Variants in PDE8B observed in about 807,000 individuals in gnomAD.
PDE8B encodes phosphodiesterase 8B.
PDE8B carries 26 observed loss-of-function variants against 101.3 expected under a neutral mutation model. The ratio of observed to expected loss-of-function variants is 0.26; its 90% CI spans 0.19 to 0.36. The LOEUF (loss-of-function observed/expected upper bound fraction) is 0.36, where lower values mean the gene tolerates loss of function less well. Among genes scored for constraint, PDE8B ranks in the 10% least tolerant of loss-of-function variants. The pLI, the probability that PDE8B is intolerant of heterozygous loss-of-function variation, is 1.00. For missense variants in PDE8B, 810 were observed against 1,163.1 expected (o/e 0.70, Z 4.42); for synonymous variants, 424 against 429.3 (o/e 0.99, Z 0.15).
At chr5:77,091,176 A>G in the PDE8B span, among the ~76,000 whole-genome samples, 1 of 152,232 alleles carries the variant, frequency 6.6e-6, no homozygotes, top group Non-Finnish European at 1.5e-5. Flanking sequence ...CGAGTAGAAG[A>G]GAAGATTTAA....
the PDE8B span, among the ~76,000 whole-genome samples, chr5:77,103,355 G>T: frequency 6.6e-6 from 1 of 152,234 alleles, no homozygotes; most frequent in South Asian, 2.1e-4. Flanking sequence ...AGTATGATAT[G>T]CAGTAGTTAT....
the PDE8B span, among the ~76,000 whole-genome samples, chr5:77,181,472 A>G: frequency 6.6e-6 from 1 of 152,202 alleles, no homozygotes; most frequent in African/African-American, 2.4e-5. Context: ...GGCTTGCAGC[A>G]GCCTTTACAA....
the PDE8B span, among the ~76,000 whole-genome samples, chr5:77,142,582 A>G: frequency 2.0e-5 from 3 of 152,198 alleles, no homozygotes; most frequent in African/African-American, 7.2e-5. Flanking sequence ...TTCTCAAGAT[A>G]AAAACAATTT....
chr5:77,231,243 C>G (rs1160297269), intron 1 of PDE8B, among the ~76,000 whole-genome samples: 1 of 152,136 alleles, frequency 6.6e-6, no homozygotes, highest in Non-Finnish European at 1.5e-5. Flanking sequence ...ATACAGCAGA[C>G]AGTGTGGAAA....
chr5:77,098,982 C>T, the PDE8B span, among the ~76,000 whole-genome samples: 33,904 of 152,190 alleles, frequency 0.22, 4,528 homozygotes, highest in Admixed American at 0.34. Context: ...CACTGTTGCA[C>T]TGGGGAATTA....
chr5:77,267,571 G>A (rs1289141933), intron 1 of PDE8B, among the ~76,000 whole-genome samples: 2 of 152,148 alleles, frequency 1.3e-5, no homozygotes, highest in African/African-American at 2.4e-5. Flanking sequence ...CACCCTTGCA[G>A]ATGTCAGCAG....
At chr5:77,405,683 C>T (rs1793280602) in intron 12 of PDE8B, among the ~76,000 whole-genome samples, 1 of 152,070 alleles carries the variant, frequency 6.6e-6, no homozygotes, top group South Asian at 2.1e-4. Flanking sequence ...GACAGAAGAG[C>T]TGGGGGTGAC....
chr5:77,267,498 T>TAG, intron 1 of PDE8B, among the ~76,000 whole-genome samples: 1 of 149,302 alleles, frequency 6.7e-6, no homozygotes, highest in East Asian at 2.0e-4. Flanking sequence ...AAGTGAGAGG[T>TAG]CTGCCTTATT....
At chr5:77,338,295 G>A (rs1416446146) in intron 6 of PDE8B, among the ~76,000 whole-genome samples, 1 of 152,180 alleles carries the variant, frequency 6.6e-6, no homozygotes, top group Non-Finnish European at 1.5e-5. Flanking sequence ...CCGTCCCAGG[G>A]AGGCAAAATG....
the PDE8B span, among the ~76,000 whole-genome samples, chr5:77,202,541 G>C: frequency 6.6e-6 from 1 of 151,890 alleles, no homozygotes; most frequent in African/African-American, 2.4e-5. Flanking sequence ...TTTATTGTAA[G>C]ACTATAGTAT....
chr5:77,255,387 C>T (rs1758906216), intron 1 of PDE8B, among the ~76,000 whole-genome samples: 1 of 152,216 alleles, frequency 6.6e-6, no homozygotes, highest in Non-Finnish European at 1.5e-5. Flanking sequence ...GCCCTATTCT[C>T]AGAAGGGCCT....
At chr5:77,403,939 C>T (rs1792851096) in intron 11 of PDE8B, among the ~76,000 whole-genome samples, 1 of 152,188 alleles carries the variant, frequency 6.6e-6, no homozygotes, top group Non-Finnish European at 1.5e-5. Context: ...CTGCCTCAGC[C>T]TCCCAAGTAG....
the PDE8B span, among the ~76,000 whole-genome samples, chr5:77,181,345 C>T: frequency 6.6e-6 from 1 of 152,090 alleles, no homozygotes; most frequent in South Asian, 2.1e-4. Context: ...GCTGCGCAGG[C>T]GGCGCTGCCA....
intron 10 of PDE8B, among the ~76,000 whole-genome samples, chr5:77,373,166 T>A (rs943161887): frequency 6.6e-6 from 1 of 152,224 alleles, no homozygotes; most frequent in African/African-American, 2.4e-5. Flanking sequence ...ACTTGTAGGC[T>A]TTATTACTTT....
In PDE8B at chr5:77,211,039, AC is replaced by A; in HGVS notation, c.118del (p.Leu40CysfsTer25). On this transcript the variant is annotated frameshift_variant, in exon 1 of 22. Coordinates refer to ENST00000264917, the MANE Select transcript of PDE8B (RefSeq NM_003719.5). LOFTEE classifies it high-confidence loss of function. This position sits in a 1 kb window ranked among gnomAD's most constrained non-coding sequence, Gnocchi z 4.1. ...CCAGCGTGTCGCAGGGCCCGGCGGC[AC>A]CCCTGCCCGGCCTCTTCGTCCAGAC... ...TTSVSQGPAA[P>X]LPGLFVQTDA... 1 of 1,532,280 alleles carries A rather than the reference AC, an allele frequency of 6.5e-7. No individual in the cohort carries two copies. The highest frequency in any genetic ancestry group is 2.6e-5 in the East Asian group (1 of 38,150). The allele number at this position is 1,532,280 out of a possible 1,614,324, so 94.9% of individuals were successfully genotyped here.
At chr5:77,252,214 A>G (rs1265395010) in intron 1 of PDE8B, among the ~76,000 whole-genome samples, 1 of 152,240 alleles carries the variant, frequency 6.6e-6, no homozygotes, top group Non-Finnish European at 1.5e-5. Context: ...ACCCTTTCCC[A>G]GAGTTGTAGC....
At chr5:77,151,141 G>C in the PDE8B span, 1 of 152,264 alleles carries the variant, frequency 6.6e-6, no homozygotes, top group South Asian at 2.1e-4. Context: ...ATGTAACAGG[G>C]TTCTGGCAAA....
the PDE8B span, among the ~76,000 whole-genome samples, chr5:77,119,935 A>G: frequency 1.3e-5 from 2 of 152,136 alleles, no homozygotes; most frequent in Admixed American, 6.6e-5. Flanking sequence ...ACTTGAGCCC[A>G]GGAGTTCAAG....
At chr5:77,425,096 T>G (rs916756645) in intron 20 of PDE8B, among the ~76,000 whole-genome samples, 3 of 152,204 alleles carry the variant, frequency 2.0e-5, no homozygotes, top group Admixed American at 1.3e-4. Context: ...TGTTAGCAGT[T>G]TTACCCACTA....
Sources: allele counts gnomAD v4.1 joint callset (sites outside exome capture counted in the v4.1 genomes callset), GRCh38; gene constraint gnomAD v4.1.1; non-coding constraint Gnocchi (gnomAD v3.1); transcripts MANE v1.5; gene names NCBI Gene and HGNC (gene_info 2026-07-23, HGNC 2026-07-21).